HHIPL1: variants seen among roughly 807,000 people sequenced by gnomAD.
HHIPL1 encodes HHIP like 1, also known as HHIP-like protein 1.
Under a neutral mutation model 61.8 loss-of-function variants are expected in HHIPL1, and 43 were observed. The ratio of observed to expected loss-of-function variants is 0.70; its 90% CI spans 0.55 to 0.90. HHIPL1 has a LOEUF of 0.90. Ranked by LOEUF, HHIPL1 falls within the 40% of genes least tolerant of loss-of-function variation. The probability of loss-of-function intolerance (pLI) is 0.00; values close to 1 mark genes in which losing one functional copy is unlikely to be tolerated. For synonymous variants in HHIPL1, 482 were observed against 515.8 expected (o/e 0.93, Z 0.89); for missense variants, 1,056 against 1,157.7 (o/e 0.91, Z 1.28).
the HHIPL1 span, among the ~76,000 whole-genome samples, chr14:99,610,802 T>G: frequency 6.6e-6 from 1 of 152,228 alleles, no homozygotes; most frequent in Non-Finnish European, 1.5e-5. Flanking sequence ...TTGAACTCTT[T>G]CATGGCATGG....
Position 99,646,667 on chromosome 14 carries a change from G to C in HHIPL1, c.255+1205G>C, listed in dbSNP as rs1595145256. On this transcript the variant is annotated intron_variant, in intron 1 of 8. Coordinates refer to ENST00000330710, the MANE Select transcript of HHIPL1 (RefSeq NM_001127258.3). Reference sequence around the variant, plus strand: ...GGAGCTCCTGTAATCCCAGCTACTCGGGAGGCTGAGGCAGGAGAAGCACTT... The same window carrying C: ...GGAGCTCCTGTAATCCCAGCTACTCCGGAGGCTGAGGCAGGAGAAGCACTT... 1.3e-5 allele frequency among the ~76,000 whole-genome samples: 2 copies of C among 151,900 alleles called. 1 individual carries two copies. Among genetic ancestry groups the C allele is most frequent in the Admixed American group, 1.3e-4 (2 of 15,244 alleles).
chr14:99,659,883 T>G, intron 4 of HHIPL1, 127 bp downstream of exon 4: 1 of 636,114 alleles, frequency 1.6e-6, no homozygotes, highest in Non-Finnish European at 2.4e-6. Flanking sequence ...CCTGAGTCTG[T>G]CCTCGGCCCC....
At chr14:99,659,854 C>CCA in intron 4 of HHIPL1, 98 bp downstream of exon 4, 3 of 566,766 alleles carry the variant, frequency 5.3e-6, no homozygotes, top group South Asian at 7.5e-5. Context: ...GCACCCCCCC[C>CCA]CCCCCGGAGA....
chr14:99,648,669 C>T (rs1381315648), intron 1 of HHIPL1, among the ~76,000 whole-genome samples: 1 of 152,138 alleles, frequency 6.6e-6, no homozygotes, highest in Non-Finnish European at 1.5e-5. Flanking sequence ...GGACAGAGTG[C>T]ATTGGGAGCA....
At chr14:99,667,606 G>A (rs1025633726) in intron 6 of HHIPL1, among the ~76,000 whole-genome samples, 4 of 152,186 alleles carry the variant, frequency 2.6e-5, no homozygotes, top group Non-Finnish European at 5.9e-5. Flanking sequence ...TCCCAGCCAT[G>A]TACTCTGCTC....
chr14:99,645,591 G>T, intron 1 of HHIPL1, 129 bp downstream of exon 1: 2 of 1,012,616 alleles, frequency 2.0e-6, no homozygotes, highest in Non-Finnish European at 2.5e-6. Context: ...CCCCAACAGG[G>T]AGTCATTTGG....
At chr14:99,627,335 C>CCCAT in the HHIPL1 span, among the ~76,000 whole-genome samples, 4,554 of 149,650 alleles carry the variant, frequency 0.03, 170 homozygotes, top group African/African-American at 0.092. The surrounding 1 kb of genome is among the most constrained non-coding windows in gnomAD (Gnocchi z 4.4). Context: ...CATCCATCTG[C>CCCAT]CCATCCATCC....
Position 99,652,758 on chromosome 14 carries a change from C to T in HHIPL1, c.790C>T (p.Arg264Cys), listed in dbSNP as rs762581942. 45 of 1,613,910 alleles carry T rather than the reference C, an allele frequency of 2.8e-5. 1 individual carries two copies. The highest frequency in any genetic ancestry group is 1.1e-4 in the South Asian group (10 of 91,090). The change falls in exon 2 of 9, where the codon CGC (arginine) becomes TGC (cysteine). Residue 264 changes from arginine (R) to cysteine (C), a missense_variant. Arg to Cys is a radical substitution (Grantham distance 180, BLOSUM62 -3). Coordinates refer to ENST00000330710, the MANE Select transcript of HHIPL1 (RefSeq NM_001127258.3). ...CTTCCACCCCAGCTTCCAGCACAACCGCAGGCTCTACGTCTACTACTCAGT... is the reference window on the plus strand; with the variant it reads ...CTTCCACCCCAGCTTCCAGCACAACTGCAGGCTCTACGTCTACTACTCAGT... Reference protein sequence around the residue: ...IAFHPSFQHNRRLYVYYSVGI... With the variant: ...IAFHPSFQHNCRLYVYYSVGI...
chr14:99,638,640 A>G, the HHIPL1 span, among the ~76,000 whole-genome samples: 70 of 152,328 alleles, frequency 4.6e-4, no homozygotes, highest in African/African-American at 1.7e-3. Context: ...CTCAAGAGAT[A>G]GGGAAACAGA....
the HHIPL1 span, among the ~76,000 whole-genome samples, chr14:99,605,994 A>AG: frequency 6.6e-6 from 1 of 152,302 alleles, no homozygotes; most frequent in South Asian, 2.1e-4. Context: ...TTAGCAGGGA[A>AG]GCAACATGAC....
the HHIPL1 span, among the ~76,000 whole-genome samples, chr14:99,605,093 C>A: frequency 6.6e-6 from 1 of 152,214 alleles, no homozygotes; most frequent in Non-Finnish European, 1.5e-5. Flanking sequence ...CTGCCCCCTG[C>A]CCGGAGCGGC....
At chr14:99,656,507 G>A (rs1428936009) in intron 2 of HHIPL1, among the ~76,000 whole-genome samples, 2 of 152,066 alleles carry the variant, frequency 1.3e-5, no homozygotes, top group Admixed American at 6.5e-5. Flanking sequence ...TGGGCATGGT[G>A]TCTCACGCCT....
At chr14:99,656,536 G>A (rs1338889611) in intron 2 of HHIPL1, among the ~76,000 whole-genome samples, 3 of 152,000 alleles carry the variant, frequency 2.0e-5, no homozygotes, top group Non-Finnish European at 4.4e-5. Flanking sequence ...AGCACTTTGG[G>A]AAGCCAAGGT....
At chr14:99,667,036 T>C (rs1406355057) in intron 6 of HHIPL1, among the ~76,000 whole-genome samples, 1 of 146,560 alleles carries the variant, frequency 6.8e-6, no homozygotes, top group Non-Finnish European at 1.5e-5. Flanking sequence ...GGATATGCTT[T>C]CCTCCAACCT....
intron 7 of HHIPL1, chr14:99,669,171 G>A: frequency 7.5e-7 from 1 of 1,326,094 alleles, no homozygotes; most frequent in Non-Finnish European, 9.7e-7. Flanking sequence ...GAGTCTCAGG[G>A]CCAAGCCTGT....
upstream of HHIPL1, among the ~76,000 whole-genome samples, chr14:99,642,663 C>T (rs1325807220): frequency 1.3e-5 from 2 of 151,066 alleles, no homozygotes; most frequent in Admixed American, 6.6e-5. Flanking sequence ...GTAGCTGGGA[C>T]TATAGGCGCC....
intron 5 of HHIPL1, among the ~76,000 whole-genome samples, chr14:99,661,414 AG>A (rs2056150191): frequency 3.1e-5 from 2 of 65,352 alleles, no homozygotes; most frequent in Non-Finnish European, 5.9e-5. Context: ...AGAGAGAGAG[AG>A]AGAAAAGAAG....
At chr14:99,606,862 G>A in the HHIPL1 span, among the ~76,000 whole-genome samples, 3 of 151,986 alleles carry the variant, frequency 2.0e-5, no homozygotes, top group African/African-American at 7.3e-5. Context: ...AGGTGAGAGG[G>A]CCCAGGGCTG....
intron 5 of HHIPL1, among the ~76,000 whole-genome samples, chr14:99,661,401 GAA>G (rs1051189568): frequency 9.7e-5 from 13 of 134,376 alleles, no homozygotes; most frequent in Admixed American, 3.0e-4. Flanking sequence ...GAGAGAGAAA[GAA>G]AGAGAGAGAG....
Sources: gnomAD v4.1 joint callset for allele counts (sites outside exome capture counted in the v4.1 genomes callset) on GRCh38, gnomAD v4.1.1 for gene constraint, Gnocchi (gnomAD v3.1) non-coding constraint, MANE v1.5 for transcripts, NCBI Gene and HGNC (gene_info 2026-07-23, HGNC 2026-07-21) for gene names.